AK8: variants seen among roughly 807,000 people sequenced by gnomAD.
AK8 encodes ATP-AMP transphosphorylase 8.
A neutral mutation model predicts 54.6 loss-of-function variants in AK8; 44 were observed. The observed-to-expected ratio is 0.81, with a 90% confidence interval of 0.63 to 1.04. AK8 has a LOEUF of 1.04. Ranked by LOEUF, AK8 falls within the 50% of genes least tolerant of loss-of-function variation. The probability of loss-of-function intolerance (pLI) is 0.00; values close to 1 mark genes in which losing one functional copy is unlikely to be tolerated. For synonymous variants in AK8, 239 were observed against 245.6 expected, an observed-to-expected ratio of 0.97 and a Z score of 0.25; for missense variants, 555 against 613.6, an observed-to-expected ratio of 0.90 and a Z score of 1.01.
At chr9:132,783,472 C>T (rs75767409) in intron 11 of AK8, among the ~76,000 whole-genome samples, 3,726 of 151,280 alleles carry the variant, frequency 0.025, 148 homozygotes, top group African/African-American at 0.086. Flanking sequence ...TATTCTTAGA[C>T]AAACAACCAG....
At chr9:132,797,290 T>C (rs963598485) in intron 10 of AK8, among the ~76,000 whole-genome samples, 5 of 148,010 alleles carry the variant, frequency 3.4e-5, no homozygotes, top group Admixed American at 1.3e-4. Flanking sequence ...AAGCATCTAA[T>C]AAACACGAAG....
At chr9:132,743,431 T>C (rs1427575509) in intron 11 of AK8, among the ~76,000 whole-genome samples, 3 of 152,270 alleles carry the variant, frequency 2.0e-5, no homozygotes, top group Non-Finnish European at 4.4e-5. Context: ...CAGTGACAAC[T>C]GCTGCTTTAA....
Position 132,826,919 on chromosome 9 carries a change from G to A in AK8, c.692C>T (p.Pro231Leu). 6.2e-7 allele frequency: 1 copy of A among 1,614,244 alleles called. No individual in the cohort carries two copies. The highest frequency in any genetic ancestry group is 1.1e-5 in the South Asian group (1 of 91,084). ...GACTTTGAGGATTTTGGGGTAGGAGGGAATGACCCTGACGATGTTCCTATG... is the reference window on the plus strand; with the variant it reads ...GACTTTGAGGATTTTGGGGTAGGAGAGAATGACCCTGACGATGTTCCTATG... ...EYHRNIVRVI[P>L]SYPKILKVIS... The change falls in exon 8 of 13, where the codon CCC (proline) becomes CTC (leucine). Residue 231 changes from proline (P) to leucine (L), a missense_variant. Coordinates refer to ENST00000298545, the MANE Select transcript of AK8 (RefSeq NM_152572.3). The surrounding 1 kb of genome is among the most constrained non-coding windows in gnomAD (Gnocchi z 4.5).
intron 10 of AK8, among the ~76,000 whole-genome samples, chr9:132,797,160 A>G (rs2131184885): frequency 6.6e-6 from 1 of 152,310 alleles, no homozygotes; most frequent in East Asian, 1.9e-4. Flanking sequence ...CAACTGATGT[A>G]GTATCCACTT....
At chr9:132,801,433 T>C (rs1840453062) in intron 10 of AK8, among the ~76,000 whole-genome samples, 1 of 152,224 alleles carries the variant, frequency 6.6e-6, no homozygotes, top group Non-Finnish European at 1.5e-5. Context: ...TGAAAGTATC[T>C]GGGAAAATGA....
intron 11 of AK8, among the ~76,000 whole-genome samples, chr9:132,750,160 G>GCT (rs1564381183): frequency 6.6e-6 from 1 of 151,734 alleles, no homozygotes; most frequent in East Asian, 1.9e-4. Flanking sequence ...GCTCTGTCAT[G>GCT]CAGGCTGGAG....
chr9:132,773,152 A>G lies in AK8; in HGVS notation c.1121+19482T>C, dbSNP rs772959324. Among the ~76,000 whole-genome samples, 12 of 152,276 alleles carry G rather than the reference A, an allele frequency of 7.9e-5. No individual in the cohort carries two copies. In the South Asian group the frequency reaches 1.5e-3, roughly 18 times the overall value. The stretch of plus-strand genomic sequence containing the variant: ...CGAGTCTCTCCCTGATCTATGGCCA[A>G]TGGCCTCCTTGATGTTGCTCAGAGT... On this transcript the variant is annotated intron_variant, in intron 11 of 12. Coordinates refer to ENST00000298545, the MANE Select transcript of AK8 (RefSeq NM_152572.3).
At chr9:132,747,244 G>A (rs993039590) in intron 11 of AK8, among the ~76,000 whole-genome samples, 2 of 152,006 alleles carry the variant, frequency 1.3e-5, no homozygotes, top group South Asian at 2.1e-4. Flanking sequence ...GGGTTCAAGC[G>A]ATTCTCCTGC....
At chr9:132,871,685 A>G (rs1843842316) in intron 2 of AK8, among the ~76,000 whole-genome samples, 1 of 152,236 alleles carries the variant, frequency 6.6e-6, no homozygotes, top group South Asian at 2.1e-4. Context: ...ACAACAGAGC[A>G]GGTGCAGTGC....
chr9:132,750,442 T>C (rs1039230677), intron 11 of AK8, among the ~76,000 whole-genome samples: 1 of 151,852 alleles, frequency 6.6e-6, no homozygotes, highest in Non-Finnish European at 1.5e-5. Flanking sequence ...TCTACACATC[T>C]TTCTGTCCGG....
chr9:132,793,132 A>G (rs1429275230), intron 10 of AK8, among the ~76,000 whole-genome samples: 1 of 152,300 alleles, frequency 6.6e-6, no homozygotes, highest in South Asian at 2.1e-4. Flanking sequence ...GGGGAGTCTA[A>G]GATCAAGTCA....
At chr9:132,806,842 A>G (rs576584140) in intron 10 of AK8, among the ~76,000 whole-genome samples, 1 of 152,260 alleles carries the variant, frequency 6.6e-6, no homozygotes, top group Non-Finnish European at 1.5e-5. Flanking sequence ...CGATGGCTGC[A>G]TTTGCTAGGG....
rs1843345356 is a variant in AK8 at position 132,860,551 on chromosome 9, G to A, written c.333+3114C>T. Among the ~76,000 whole-genome samples, 1 of 152,202 alleles carries A rather than the reference G, an allele frequency of 6.6e-6. No individual in the cohort carries two copies. The highest frequency in any genetic ancestry group is 1.5e-5 in the Non-Finnish European group (1 of 68,034). ...GAAGGAGGCTGCTGCTGGGGAGCTGGAGGTGTCTCTCTAGAGGTGGGCATT... is the reference window on the plus strand; with the variant it reads ...GAAGGAGGCTGCTGCTGGGGAGCTGAAGGTGTCTCTCTAGAGGTGGGCATT... On this transcript the variant is annotated intron_variant, in intron 4 of 12. Transcript: ENST00000298545. This position sits in a 1 kb window ranked among gnomAD's most constrained non-coding sequence, Gnocchi z 4.4.
intron 5 of AK8, among the ~76,000 whole-genome samples, chr9:132,848,274 T>C (rs1842837571): frequency 1.3e-5 from 2 of 152,150 alleles, no homozygotes; most frequent in South Asian, 4.1e-4. Flanking sequence ...GCATTTTGTA[T>C]GGGAAAATGC....
At chr9:132,798,546 G>T (rs1450360166) in intron 10 of AK8, among the ~76,000 whole-genome samples, 1 of 152,180 alleles carries the variant, frequency 6.6e-6, no homozygotes, top group Non-Finnish European at 1.5e-5. Flanking sequence ...TGATTTCTGG[G>T]CTTGACAGTT....
At position 132,812,397 on chromosome 9, in the gene AK8, AT is replaced by A. The variant is rs528321058; in HGVS notation, c.979+2240del. Among the ~76,000 whole-genome samples the A allele has an allele frequency of 1.6e-3, 224 of 143,968 alleles. 1 individual carries two copies. The highest frequency in any genetic ancestry group is 2.5e-3 in the Admixed American group (36 of 14,504). The allele number at this position is 143,968 out of a possible 152,430, so 94.4% of individuals were successfully genotyped here. Reference sequence around the variant, plus strand: ...AGGCGCCCACCACCACACGTGGCTAATTTTTTTTTTTTTGTATTTTTAGTAG... The same window carrying A: ...AGGCGCCCACCACCACACGTGGCTAATTTTTTTTTTTTGTATTTTTAGTAG... On this transcript the variant is annotated intron_variant, in intron 10 of 12. Coordinates refer to ENST00000298545, the MANE Select transcript of AK8 (RefSeq NM_152572.3).
intron 4 of AK8, among the ~76,000 whole-genome samples, chr9:132,861,848 C>T (rs1843401519): frequency 1.3e-5 from 2 of 152,202 alleles, no homozygotes; most frequent in African/African-American, 4.8e-5. Flanking sequence ...CTCTTCAGAA[C>T]ATTTTACTCT....
chr9:132,755,481 G>A (rs910686761), intron 11 of AK8, among the ~76,000 whole-genome samples: 2 of 152,202 alleles, frequency 1.3e-5, no homozygotes, highest in South Asian at 2.1e-4. Context: ...CTGCTAGAGG[G>A]AAGCTCCTGG....
rs1236566226 is a variant in AK8, at chr9:132,792,626, C to G, written c.1121+8G>C. 1 of 1,548,718 alleles carries G rather than the reference C, an allele frequency of 6.5e-7. No individual in the cohort carries two copies. Among genetic ancestry groups the G allele is most frequent in the Non-Finnish European group, 8.7e-7 (1 of 1,146,472 alleles). On this transcript the variant is annotated splice_region_variant and intron_variant, in intron 11 of 12. Transcript: ENST00000298545. ...GCCAGGGCTGCTGGCTTGGCTGGGG[C>G]AGCTCACCTGTTGGGATTGTAGCCC...
Sources: gnomAD v4.1 joint callset for allele counts (sites outside exome capture counted in the v4.1 genomes callset) on GRCh38, gnomAD v4.1.1 for gene constraint, Gnocchi (gnomAD v3.1) non-coding constraint, MANE v1.5 for transcripts, NCBI Gene and HGNC (gene_info 2026-07-23, HGNC 2026-07-21) for gene names.